Variants in LAMA3 observed in about 807,000 individuals in gnomAD.
LAMA3 encodes the protein laminin subunit alpha 3, also known as laminin subunit alpha-3.
A neutral mutation model predicts 402.0 loss-of-function variants in LAMA3; 281 were observed. The observed-to-expected ratio is 0.70, with a 90% CI of 0.63 to 0.77. The LOEUF (loss-of-function observed/expected upper bound fraction) is 0.77, where lower values mean the gene tolerates loss of function less well. Ranked by LOEUF, LAMA3 falls within the 30% of genes least tolerant of loss-of-function variation. LAMA3 has a pLI of 0.00. For missense variants in LAMA3, 3,840 were observed against 4,215.5 expected, an observed-to-expected ratio of 0.91 and a Z score of 2.47; for synonymous variants, 1,431 against 1,558.4, an observed-to-expected ratio of 0.92 and a Z score of 1.93.
chr18:23,813,122 G>C lies in LAMA3; in HGVS notation c.1788+19G>C, dbSNP rs147986759. On this transcript the variant is annotated intron_variant, in intron 14 of 74. Transcript: ENST00000313654. ...CAATTTGGTAAGTAGACTATAAAAG[G>C]GTTGCAATTCTAACTATCTCTATTA... 0.013 allele frequency: 20,918 copies of C among 1,559,362 alleles called. 162 individuals are homozygous for C. The highest frequency in any genetic ancestry group is 0.016 in the Non-Finnish European group (18,535 of 1,130,320).
At chr18:23,705,664 C>A (rs2060875584) in intron 1 of LAMA3, among the ~76,000 whole-genome samples, 1 of 151,954 alleles carries the variant, frequency 6.6e-6, no homozygotes, top group Non-Finnish European at 1.5e-5. Flanking sequence ...AGCTGGGATG[C>A]ATGCCACCAT....
chr18:23,886,622 A>G (rs1476281683), intron 41 of LAMA3, among the ~76,000 whole-genome samples: 3 of 152,078 alleles, frequency 2.0e-5, no homozygotes, highest in Non-Finnish European at 4.4e-5. Context: ...AGCCTGGGCA[A>G]CAGAAAAAAA....
rs767286689 is a variant in LAMA3 at position 23,939,408 on chromosome 18, C to T, written c.9026+22C>T. On this transcript the variant is annotated intron_variant, in intron 68 of 74. Transcript: ENST00000313654. ...CCAGGTATTATTTAGCTTTCCTGCC[C>T]CAGCACCAGCTCAGAACCTGACTCT... 7 of 1,612,834 alleles carry T rather than the reference C, an allele frequency of 4.3e-6. No individual in the cohort carries two copies. The East Asian group carries it at 1.6e-4, about 36-fold the overall frequency.
At position 23,884,680 on chromosome 18, in the gene LAMA3, C is replaced by T; in HGVS notation, c.5223-93C>T. On this transcript the variant is annotated intron_variant, in intron 40 of 74. Coordinates refer to ENST00000313654, the MANE Select transcript of LAMA3 (RefSeq NM_198129.4). ...TAACCAGACCCTGGGTTTCAGTGCT[C>T]ACTTAATACAAGCCAGTCCTTTGTG... 6 of 1,183,702 alleles carry T rather than the reference C, an allele frequency of 5.1e-6. No homozygotes were observed. In the South Asian group the frequency reaches 7.5e-5, roughly 15 times the overall value. The allele number at this position is 1,183,702 out of a possible 1,614,324, so 73.3% of individuals were successfully genotyped here.
intron 41 of LAMA3, among the ~76,000 whole-genome samples, 187 bp downstream of exon 41, chr18:23,885,040 T>C (rs1241462902): frequency 3.9e-5 from 6 of 152,064 alleles, no homozygotes; most frequent in Non-Finnish European, 8.8e-5. Flanking sequence ...TCTTTCCTGC[T>C]TTGTACGTTT....
chr18:23,771,899 T>C (rs1234803669), intron 8 of LAMA3, among the ~76,000 whole-genome samples: 2 of 152,204 alleles, frequency 1.3e-5, no homozygotes, highest in African/African-American at 4.8e-5. Context: ...TCCTTCTTGA[T>C]TTCTTTTCCC....
In LAMA3 at chr18:23,902,996, T is replaced by G. The variant is rs762897069; in HGVS notation, c.6202-13T>G. 1.3e-6 allele frequency: 2 copies of G among 1,532,040 alleles called. No homozygotes were observed. Among genetic ancestry groups the G allele is most frequent in the Non-Finnish European group, 1.8e-6 (2 of 1,105,638 alleles). The allele number at this position is 1,532,040 out of a possible 1,614,324, so 94.9% of individuals were successfully genotyped here. ...ATCATAGAGCTCAAGCAATTTTTTTTTATTTTCTCCAGAGACAAGTGAAAG... is the reference window on the plus strand; with the variant it reads ...ATCATAGAGCTCAAGCAATTTTTTTGTATTTTCTCCAGAGACAAGTGAAAG... On this transcript the variant is annotated splice_polypyrimidine_tract_variant and intron_variant, in intron 48 of 74. Coordinates refer to ENST00000313654, the MANE Select transcript of LAMA3 (RefSeq NM_198129.4).
At position 23,899,048 on chromosome 18, in the gene LAMA3, T is replaced by C; in HGVS notation, c.5819T>C (p.Val1940Ala). The C allele has an allele frequency of 6.2e-7, 1 of 1,613,142 alleles. No homozygotes were observed. The highest frequency in any genetic ancestry group is 8.5e-7 in the Non-Finnish European group (1 of 1,179,134). ...AKELDVKIKNVIRNVHILLKQ... is the reference protein window; with the variant it reads ...AKELDVKIKNAIRNVHILLKQ... ...GAACTGGATGTGAAGATTAAAAATG[T>C]CATCCGGAATGTGCACAGTAAGAAG... The change falls in exon 46 of 75, where the codon GTC becomes GCC. Residue 1940 changes from valine to alanine, a missense_variant. Val to Ala is a moderately conservative substitution (Grantham distance 64). Around this residue, in one of 3 missense-constraint regions of LAMA3, gnomAD observed 891 missense variants for 857.5 expected, o/e 1.04. Coordinates refer to ENST00000313654, the MANE Select transcript of LAMA3 (RefSeq NM_198129.4).
chr18:23,822,922 C>T (rs1237926239), intron 20 of LAMA3, among the ~76,000 whole-genome samples: 2 of 152,184 alleles, frequency 1.3e-5, no homozygotes, highest in Admixed American at 6.5e-5. Flanking sequence ...ACAGCCTCGC[C>T]ACAGGCAGAG....
intron 12 of LAMA3, among the ~76,000 whole-genome samples, chr18:23,797,386 G>T (rs750259475): frequency 2.0e-5 from 3 of 152,074 alleles, no homozygotes; most frequent in Admixed American, 6.5e-5. Flanking sequence ...GCCAAAAAGT[G>T]TTCTTACTGC....
chr18:23,854,785 C>T (rs924723697), intron 32 of LAMA3, among the ~76,000 whole-genome samples: 4 of 151,574 alleles, frequency 2.6e-5, no homozygotes, highest in African/African-American at 9.7e-5. Flanking sequence ...AGATCGAGAC[C>T]ATCCTGGCTA....
At chr18:23,855,377 T>C (rs2064049974) in intron 32 of LAMA3, among the ~76,000 whole-genome samples, 1 of 152,224 alleles carries the variant, frequency 6.6e-6, no homozygotes, top group South Asian at 2.1e-4. Context: ...CTGAGGCTTC[T>C]CTCTCTGATG....
chr18:23,751,117 C>G (rs1568144388), intron 5 of LAMA3, 29 bp downstream of exon 5: 2 of 1,612,854 alleles, frequency 1.2e-6, no homozygotes, highest in Admixed American at 3.3e-5. Flanking sequence ...TGTTTTGTTA[C>G]TTTATTTATT....
In LAMA3 at chr18:23,749,455, T is replaced by A. The variant is rs140929432; in HGVS notation, c.593T>A (p.Phe198Tyr). ...AHSKVDCLKE[F>Y]GREANMAVTR... ...TCTAAAGTAGACTGTTTAAAAGAATTTGGGCGGGAGGCAAATATGGCTGTC... is the reference window on the plus strand; with the variant it reads ...TCTAAAGTAGACTGTTTAAAAGAATATGGGCGGGAGGCAAATATGGCTGTC... Residue 198 changes from phenylalanine to tyrosine, a missense_variant, in exon 4 of 75, where the codon TTT becomes TAT. Phe to Tyr is a conservative substitution (Grantham distance 22). This residue lies in a region of LAMA3 where 2,109 missense variants were observed against 2,376.0 expected (regional missense o/e 0.89). Transcript: ENST00000313654. The A allele has an allele frequency of 1.2e-6, 2 of 1,608,152 alleles. No individual in the cohort carries two copies. The highest frequency in any genetic ancestry group is 2.7e-5 in the African/African-American group (2 of 74,930).
chr18:23,906,781 CA>C (rs1231945048), intron 52 of LAMA3, among the ~76,000 whole-genome samples: 1 of 152,172 alleles, frequency 6.6e-6, no homozygotes, highest in Non-Finnish European at 1.5e-5. Flanking sequence ...TTTCTCTCTA[CA>C]AAATTTGAGC....
intron 21 of LAMA3, among the ~76,000 whole-genome samples, chr18:23,825,719 C>T (rs1426980358): frequency 6.6e-6 from 1 of 151,840 alleles, no homozygotes; most frequent in African/African-American, 2.4e-5. Flanking sequence ...TCCATTGATA[C>T]TAGTAACGGG....
intron 12 of LAMA3, among the ~76,000 whole-genome samples, chr18:23,788,532 C>G (rs1047240929): frequency 2.0e-5 from 3 of 151,600 alleles, no homozygotes; most frequent in Non-Finnish European, 4.4e-5. Context: ...AAATAAAATG[C>G]AAAAGGGCCA....
At chr18:23,778,601 C>T (rs2062371394) in intron 11 of LAMA3, among the ~76,000 whole-genome samples, 1 of 152,168 alleles carries the variant, frequency 6.6e-6, no homozygotes, top group South Asian at 2.1e-4. Context: ...CACAGGTTCT[C>T]AGAAGGGCAC....
chr18:23,783,586 G>C (rs1324675949), intron 11 of LAMA3, among the ~76,000 whole-genome samples: 1 of 152,202 alleles, frequency 6.6e-6, no homozygotes. Context: ...GATTAAGTGA[G>C]ATGATCCAAG....
Sources: allele counts gnomAD v4.1 joint callset (sites outside exome capture counted in the v4.1 genomes callset), GRCh38; gene constraint gnomAD v4.1.1; regional missense constraint gnomAD v4.1.1; transcripts MANE v1.5; gene names NCBI Gene and HGNC (gene_info 2026-07-23, HGNC 2026-07-21).